Variants in ZDHHC15 observed in about 807,000 individuals in gnomAD.
ZDHHC15 encodes the protein zDHHC palmitoyltransferase 15, also known as palmitoyltransferase ZDHHC15.
A neutral mutation model predicts 31.7 loss-of-function variants in ZDHHC15; 19 were observed. The ratio of observed to expected loss-of-function variants is 0.60; its 90% confidence interval spans 0.42 to 0.88. ZDHHC15 has a LOEUF of 0.88. ZDHHC15 is among the 40% of genes least tolerant of loss of function. The probability of loss-of-function intolerance (pLI) is 0.00; values close to 1 mark genes in which losing one functional copy is unlikely to be tolerated. For synonymous variants in ZDHHC15, 103 were observed against 90.0 expected (o/e 1.14, Z -0.82); for missense variants, 209 against 251.2 (o/e 0.83, Z 1.14).
At chrX:75,435,195 A>G (rs1329628489) in intron 4 of ZDHHC15, among the ~76,000 whole-genome samples, 4 of 111,875 alleles carry the variant, frequency 3.6e-5, no homozygotes, top group Non-Finnish European at 7.5e-5. Context: ...TAATTTTGTA[A>G]CGTGAAATTT....
At chrX:75,518,792 TATATATATATATATACAC>T (rs1488364561) in intron 1 of ZDHHC15, among the ~76,000 whole-genome samples, 4 of 26,229 alleles carry the variant, frequency 1.5e-4, no homozygotes, top group African/African-American at 4.4e-4. Context: ...TATATATATA[TATATATATATATATACAC>T]ACACACACAC....
At position 75,422,640 on chromosome X, in the gene ZDHHC15, A is replaced by T. The variant is rs775728586; in HGVS notation, c.737-650T>A. ...CACTGTTGGACTCTAGCTGCATCTG[A>T]CTGTTTCTCATTTGTTCTTTGTTTT... On this transcript the variant is annotated intron_variant, in intron 8 of 11. Coordinates refer to ENST00000373367, the MANE Select transcript of ZDHHC15 (RefSeq NM_144969.3). Among the ~76,000 whole-genome samples, 241 of 110,740 alleles carry T rather than the reference A, an allele frequency of 2.2e-3. 1 individual carries two copies. The highest frequency in any genetic ancestry group is 7.5e-3 in the African/African-American group (229 of 30,455).
At chrX:75,502,366 A>G (rs766920890) in intron 2 of ZDHHC15, 2 of 111,637 alleles carry the variant, frequency 1.8e-5, no homozygotes, top group Non-Finnish European at 3.8e-5. Context: ...CACATTCTGA[A>G]GTACTGAAAG....
rs147468050 is a variant in ZDHHC15, at chrX:75,417,147, A to G, written c.907T>C (p.Ser303Pro). 1 of 1,208,859 alleles carries G rather than the reference A, an allele frequency of 8.3e-7. No homozygotes were observed. Among genetic ancestry groups the G allele is most frequent in the Admixed American group, 2.2e-5 (1 of 45,803 alleles). Residue 303 changes from serine (S) to proline (P), a missense_variant, in exon 10 of 12, where the codon TCA (serine) becomes CCA (proline). Transcript: ENST00000373367. ...HSFPMRSMNE[S>P]QNPLLANEET... ...TCATTTGCTAGCAGTGGGTTCTGTGACTCATTCATAGACCTCATAGGGAAG... is the reference window on the plus strand; with the variant it reads ...TCATTTGCTAGCAGTGGGTTCTGTGGCTCATTCATAGACCTCATAGGGAAG...
chrX:75,445,259 G>C (rs1040866084), intron 4 of ZDHHC15, among the ~76,000 whole-genome samples: 6 of 111,307 alleles, frequency 5.4e-5, no homozygotes, highest in African/African-American at 2.0e-4. Context: ...GAAGTTTCTG[G>C]AATTGGCTCT....
chrX:75,400,870 C>G (rs1198970775), intron 10 of ZDHHC15, among the ~76,000 whole-genome samples: 2 of 111,443 alleles, frequency 1.8e-5, no homozygotes, highest in African/African-American at 6.5e-5. Context: ...AATTTCATAT[C>G]CAGCCAAACT....
chrX:75,521,809 C>T (rs1397415748), intron 1 of ZDHHC15, among the ~76,000 whole-genome samples: 2 of 111,119 alleles, frequency 1.8e-5, no homozygotes, highest in African/African-American at 3.3e-5. Context: ...AATAAGAAAT[C>T]CCAAAGGAAG....
At chrX:75,484,200 T>C (rs1018981894) in intron 2 of ZDHHC15, among the ~76,000 whole-genome samples, 5 of 111,620 alleles carry the variant, frequency 4.5e-5, no homozygotes, top group Non-Finnish European at 1.9e-5. Context: ...ATTCTATTGT[T>C]GGAAAACTCC....
chrX:75,486,942 G>A (rs2084787631), intron 2 of ZDHHC15, among the ~76,000 whole-genome samples: 1 of 110,921 alleles, frequency 9.0e-6, no homozygotes, highest in East Asian at 2.9e-4. Flanking sequence ...AAACTCCTGG[G>A]AAATCTATGG....
intron 3 of ZDHHC15, among the ~76,000 whole-genome samples, chrX:75,459,633 G>T (rs992358860): frequency 9.0e-6 from 1 of 111,165 alleles, no homozygotes; most frequent in African/African-American, 3.3e-5. Flanking sequence ...AGCCACTCCA[G>T]CCAGGGTAAT....
intron 2 of ZDHHC15, among the ~76,000 whole-genome samples, chrX:75,483,087 A>G (rs1037271601): frequency 6.6e-5 from 7 of 106,354 alleles, no homozygotes; most frequent in Non-Finnish European, 1.3e-4. Flanking sequence ...ATGTGTATAT[A>G]TATATATATA....
chrX:75,393,962 T>A (rs2083272530), intron 10 of ZDHHC15, among the ~76,000 whole-genome samples: 1 of 110,970 alleles, frequency 9.0e-6, no homozygotes, highest in Non-Finnish European at 1.9e-5. Context: ...TTTTCACATT[T>A]TTTTGCCTGC....
rs1178865400 is a variant in ZDHHC15 at position 75,432,582 on chromosome X, T to A, written c.380-1062A>T. 2.7e-5 allele frequency among the ~76,000 whole-genome samples: 3 copies of A among 111,757 alleles called. No individual in the cohort carries two copies. The East Asian group carries it at 8.4e-4, about 31-fold the overall frequency. ...TCCTATCCTCATTTAAGCCACATTG[T>A]CTCTTAGCTAGTTGACTGCAATATC... On this transcript the variant is annotated intron_variant, in intron 4 of 11. Transcript: ENST00000373367.
intron 4 of ZDHHC15, among the ~76,000 whole-genome samples, chrX:75,437,307 T>C (rs1411557499): frequency 9.4e-6 from 1 of 106,372 alleles, no homozygotes; most frequent in Non-Finnish European, 1.9e-5. Flanking sequence ...TTATTATACT[T>C]TAAGTTTTAG....
chrX:75,385,536 C>T (rs1032367461), intron 10 of ZDHHC15, among the ~76,000 whole-genome samples: 2 of 111,455 alleles, frequency 1.8e-5, no homozygotes, highest in African/African-American at 3.3e-5. Flanking sequence ...TACATGTAAC[C>T]CTGTTTTGAA....
chrX:75,488,510 G>C (rs770536484), intron 2 of ZDHHC15, among the ~76,000 whole-genome samples: 1 of 112,507 alleles, frequency 8.9e-6, no homozygotes, highest in Non-Finnish European at 1.9e-5. Context: ...TACAAGAAAT[G>C]TTAAAAGGAG....
At chrX:75,433,695 G>GTATATA (rs1389421395) in intron 4 of ZDHHC15, among the ~76,000 whole-genome samples, 3 of 5,104 alleles carry the variant, frequency 5.9e-4, no homozygotes, top group Admixed American at 4.9e-3. Flanking sequence ...GTGTGTGTGT[G>GTATATA]TGTATATATA....
chrX:75,392,110 A>G (rs1440912268), intron 10 of ZDHHC15, among the ~76,000 whole-genome samples: 1 of 112,194 alleles, frequency 8.9e-6, no homozygotes. Context: ...AACTAATGGA[A>G]TATATCTATA....
At chrX:75,447,923 T>G (rs1388326417) in intron 4 of ZDHHC15, among the ~76,000 whole-genome samples, 1 of 111,059 alleles carries the variant, frequency 9.0e-6, no homozygotes, top group Non-Finnish European at 1.9e-5. Flanking sequence ...CTGATCCAGA[T>G]TATGAAGTGT....
Sources: allele counts gnomAD v4.1 joint callset (sites outside exome capture counted in the v4.1 genomes callset), GRCh38; gene constraint gnomAD v4.1.1; transcripts MANE v1.5; gene names NCBI Gene and HGNC (gene_info 2026-07-23, HGNC 2026-07-21).